Variants in CADPS2 observed in about 807,000 individuals in gnomAD.
The protein encoded by CADPS2 is calcium-dependent secretion activator 2.
Under a neutral mutation model 172.5 loss-of-function variants are expected in CADPS2, and 93 were observed. The ratio of observed to expected loss-of-function variants is 0.54; its 90% CI spans 0.46 to 0.64. The LOEUF is 0.64. Ranked by LOEUF, CADPS2 falls within the 30% of genes least tolerant of loss-of-function variation. The pLI is 0.00. For synonymous variants in CADPS2, 546 were observed against 555.2 expected (o/e 0.98, Z 0.23); for missense variants, 1,420 against 1,565.9 (o/e 0.91, Z 1.57).
intron 3 of CADPS2, 68 bp downstream of exon 3, chr7:122,663,169 G>A (rs1390944059): frequency 9.6e-6 from 11 of 1,148,528 alleles, no homozygotes; most frequent in African/African-American, 3.1e-5. Context: ...ATCTTCATAG[G>A]CTTGTAAATA....
chr7:122,799,943 G>A (rs1301280209), intron 1 of CADPS2, among the ~76,000 whole-genome samples: 1 of 152,178 alleles, frequency 6.6e-6, no homozygotes, highest in Non-Finnish European at 1.5e-5. Flanking sequence ...TACAAGCTAT[G>A]TGACTGTTGA....
chr7:122,780,455 C>T (rs890245216), intron 1 of CADPS2, among the ~76,000 whole-genome samples: 3 of 152,060 alleles, frequency 2.0e-5, no homozygotes, highest in Admixed American at 6.5e-5. Flanking sequence ...GGAAATTACC[C>T]TGCCTTTGTT....
chr7:122,375,924 T>C (rs1173826238), intron 25 of CADPS2, among the ~76,000 whole-genome samples: 1 of 150,230 alleles, frequency 6.7e-6, no homozygotes, highest in East Asian at 1.9e-4. Flanking sequence ...ATTAAAAAAA[T>C]GAGCAAAGCA....
intron 5 of CADPS2, among the ~76,000 whole-genome samples, chr7:122,620,873 G>T (rs553474236): frequency 1.2e-4 from 18 of 151,918 alleles, no homozygotes; most frequent in Non-Finnish European, 7.4e-5. Context: ...TTCTACCCAC[G>T]TGCGTTTTGA....
chr7:122,522,114 T>G (rs2060851727), intron 8 of CADPS2, among the ~76,000 whole-genome samples: 2 of 152,038 alleles, frequency 1.3e-5, no homozygotes, highest in Non-Finnish European at 1.5e-5. Context: ...AAATAATTCA[T>G]TTTATTTTAT....
At chr7:122,460,895 T>G (rs1248415522) in intron 14 of CADPS2, among the ~76,000 whole-genome samples, 1 of 152,146 alleles carries the variant, frequency 6.6e-6, no homozygotes, top group African/African-American at 2.4e-5. Flanking sequence ...AAGAGAGAAC[T>G]GAAGAAATAG....
chr7:122,345,918 C>CTTTTTTTTTTTTTTT (rs71159791), intron 27 of CADPS2, among the ~76,000 whole-genome samples: 2 of 138,754 alleles, frequency 1.4e-5, no homozygotes, highest in Non-Finnish European at 3.1e-5. Context: ...CCGTAGATAT[C>CTTTTTTTTTTTTTTT]TTTTTTTTTT....
At chr7:122,769,938 G>A (rs2093659683) in intron 1 of CADPS2, among the ~76,000 whole-genome samples, 1 of 152,140 alleles carries the variant, frequency 6.6e-6, no homozygotes, top group East Asian at 1.9e-4. Context: ...AATATTTACT[G>A]AGCACTTTCT....
At chr7:122,849,845 G>T in intron 1 of CADPS2, 1 of 571,000 alleles carries the variant, frequency 1.8e-6, no homozygotes, top group Non-Finnish European at 3.4e-6. Context: ...TCCCACTATG[G>T]TGTTTCCTTC....
intron 2 of CADPS2, among the ~76,000 whole-genome samples, chr7:122,690,127 T>G (rs558746132): frequency 3.0e-4 from 46 of 152,288 alleles, no homozygotes; most frequent in South Asian, 1.2e-3. Flanking sequence ...CAGTCCACAA[T>G]GCTACTGGAG....
At chr7:122,661,124 T>A (rs896895563) in intron 3 of CADPS2, among the ~76,000 whole-genome samples, 1 of 152,104 alleles carries the variant, frequency 6.6e-6, no homozygotes, top group African/African-American at 2.4e-5. Context: ...TACATCACGA[T>A]AAAGGAGTCA....
At chr7:122,387,351 A>G (rs1271669153) in intron 23 of CADPS2, among the ~76,000 whole-genome samples, 178 bp from the exon 24 acceptor site, 1 of 152,066 alleles carries the variant, frequency 6.6e-6, no homozygotes, top group Non-Finnish European at 1.5e-5. Context: ...TGTCTCAATG[A>G]AAGATCAGAT....
chr7:122,750,749 A>T (rs926668440), intron 1 of CADPS2, among the ~76,000 whole-genome samples: 9 of 152,120 alleles, frequency 5.9e-5, no homozygotes, highest in Admixed American at 5.9e-4. Context: ...AGCTTTTTTT[A>T]AAAAATGCAG....
At chr7:122,447,031 C>CT (rs71530096) in intron 15 of CADPS2, among the ~76,000 whole-genome samples, 1,145 of 78,382 alleles carry the variant, frequency 0.015, 81 homozygotes, top group African/African-American at 0.023. Flanking sequence ...GTAGCTCCCT[C>CT]TTTTTTTTTT....
At chr7:122,675,694 T>C (rs1438276753) in intron 2 of CADPS2, among the ~76,000 whole-genome samples, 1 of 152,072 alleles carries the variant, frequency 6.6e-6, no homozygotes, top group East Asian at 1.9e-4. Flanking sequence ...CTGGAAGCCA[T>C]CATTCCAAGC....
intron 3 of CADPS2, among the ~76,000 whole-genome samples, chr7:122,646,776 A>G (rs1367890062): frequency 2.6e-5 from 4 of 152,130 alleles, no homozygotes; most frequent in Non-Finnish European, 5.9e-5. Flanking sequence ...AAGGTGCTTC[A>G]ATGATGTTTA....
intron 3 of CADPS2, among the ~76,000 whole-genome samples, chr7:122,645,490 A>ATATATATTTAAGTATATATATACT (rs2078359023): frequency 1.3e-5 from 1 of 79,000 alleles, no homozygotes; most frequent in Non-Finnish European, 2.4e-5. Flanking sequence ...TATTTAGCGT[A>ATATATATTTAAGTATATATATACT]TATATATATA....
intron 2 of CADPS2, among the ~76,000 whole-genome samples, chr7:122,688,559 G>A (rs183711269): frequency 4.6e-5 from 7 of 152,276 alleles, no homozygotes; most frequent in Admixed American, 1.3e-4. Flanking sequence ...TAGAGTGTCC[G>A]CTCTGTCTCA....
At chr7:122,820,556 G>GTTTTTTTTTTTT (rs551121404) in intron 1 of CADPS2, among the ~76,000 whole-genome samples, 2 of 86,536 alleles carry the variant, frequency 2.3e-5, no homozygotes, top group Non-Finnish European at 4.5e-5. Context: ...TTTGTTTTTT[G>GTTTTTTTTTTTT]TTTTTTTTTT....
Sources: gnomAD v4.1 joint callset for allele counts (sites outside exome capture counted in the v4.1 genomes callset) on GRCh38, gnomAD v4.1.1 for gene constraint, MANE v1.5 for transcripts, NCBI Gene and HGNC (gene_info 2026-07-23, HGNC 2026-07-21) for gene names.